ZNF654: variants seen among roughly 807,000 people sequenced by gnomAD.
ZNF654 encodes melanoma-associated antigen.
In ZNF654, 19 loss-of-function variants were observed where a neutral mutation model predicts 95.3. That is an observed-to-expected ratio of 0.20 (90% CI 0.14 to 0.29). ZNF654 has a LOEUF of 0.29. ZNF654 is among the 10% of genes least tolerant of loss of function. ZNF654 has a pLI of 1.00. For missense variants in ZNF654, 1,046 were observed against 1,341.0 expected, an observed-to-expected ratio of 0.78 and a Z score of 3.44; for synonymous variants, 413 against 457.9, an observed-to-expected ratio of 0.90 and a Z score of 1.25.
At chr3:88,091,789 C>T (rs1360411015) in intron 2 of ZNF654, among the ~76,000 whole-genome samples, 2 of 152,160 alleles carry the variant, frequency 1.3e-5, no homozygotes, top group Non-Finnish European at 2.9e-5. Context: ...TCTTGCCTGC[C>T]GCCATGTAAG....
chr3:88,081,732 A>T (rs4404474), intron 1 of ZNF654, among the ~76,000 whole-genome samples: 143,129 of 152,156 alleles, frequency 0.94, 67,846 homozygotes, highest in Non-Finnish European at 1. Context: ...CACCACAACA[A>T]GTTCCAGGCT....
chr3:88,074,916 G>C (rs1707715928), intron 1 of ZNF654, among the ~76,000 whole-genome samples: 1 of 152,078 alleles, frequency 6.6e-6, no homozygotes, highest in Admixed American at 6.6e-5. Flanking sequence ...CATAACTTGT[G>C]CTTATATTTT....
intron 2 of ZNF654, among the ~76,000 whole-genome samples, chr3:88,094,244 T>C (rs1195461161): frequency 6.6e-6 from 1 of 152,144 alleles, no homozygotes; most frequent in Non-Finnish European, 1.5e-5. Context: ...AAAAAACTCT[T>C]AGTGCATTTG....
chr3:88,067,816 A>G (rs913477800), intron 1 of ZNF654, among the ~76,000 whole-genome samples: 3 of 152,126 alleles, frequency 2.0e-5, no homozygotes, highest in African/African-American at 7.2e-5. Context: ...CAAATAACCT[A>G]TAAAGGAGAA....
Position 88,126,151 on chromosome 3 carries a change from C to T in ZNF654, c.432C>T (p.Leu144=). The change falls in exon 4 of 9, where the codon CTC becomes CTT. Residue 144 remains leucine (L), a synonymous_variant. Transcript: ENST00000636215. ...TCTCCTAGGAATGCCAGAATCACCT[C>T]CGCAGATATGGAAATGTGAATCTGG... The part of the protein sequence containing the change: ...LGSFQECQNH[L]RRYGNVNLEL... 6.6e-7 allele frequency: 1 copy of T among 1,517,408 alleles called. No individual in the cohort carries two copies. Among genetic ancestry groups the T allele is most frequent in the Non-Finnish European group, 8.8e-7 (1 of 1,135,676 alleles). The allele number at this position is 1,517,408 out of a possible 1,614,324, so 94.0% of individuals were successfully genotyped here. A position where few individuals can be genotyped will look rare whatever the true frequency, so the allele number is the denominator to read the frequency against.
chr3:88,131,364 GGAAACTGAAAATAGTCATGAC>G (rs1706453939), intron 6 of ZNF654, among the ~76,000 whole-genome samples: 1 of 152,074 alleles, frequency 6.6e-6, no homozygotes, highest in East Asian at 1.9e-4. Context: ...GTGGTTATTT[GGAAACTGAAAATAGTCATGAC>G]AGTTATAATA....
At chr3:88,094,371 G>T (rs1703932035) in intron 2 of ZNF654, among the ~76,000 whole-genome samples, 2 of 152,044 alleles carry the variant, frequency 1.3e-5, no homozygotes, top group African/African-American at 2.4e-5. Flanking sequence ...GAGTAAAGTG[G>T]TTGGGACTAT....
At chr3:88,134,248 T>C (rs1296463257) in intron 6 of ZNF654, among the ~76,000 whole-genome samples, 7 of 152,006 alleles carry the variant, frequency 4.6e-5, no homozygotes, top group Admixed American at 3.3e-4. Flanking sequence ...ACCCTCATGA[T>C]GGTAATCAAG....
At chr3:88,141,078 T>C in intron 8 of ZNF654, 30 bp downstream of exon 8, 2 of 1,541,598 alleles carry the variant, frequency 1.3e-6, no homozygotes, top group African/African-American at 1.4e-5. Flanking sequence ...AGTAGAGGTA[T>C]CTGTAGAAAG....
chr3:88,140,468 G>C lies in ZNF654; in HGVS notation c.2799G>C (p.Lys933Asn). The C allele has an allele frequency of 6.2e-7, 1 of 1,613,634 alleles. No homozygotes were observed. The highest frequency in any genetic ancestry group is 8.5e-7 in the Non-Finnish European group (1 of 1,179,734). The part of the protein sequence containing the change: ...EPKTCIESME[K>N]KTDSLVQNGN... ...AGACATGTATAGAAAGTATGGAAAA[G>C]AAAACAGACAGTTTAGTTCAGAATG... The change falls in exon 8 of 9, where the codon AAG becomes AAC. Residue 933 changes from lysine (K) to asparagine (N), a missense_variant. Physicochemically the swap from Lys to Asn is moderately conservative, Grantham distance 94. Around this residue, in one of 9 missense-constraint regions of ZNF654, gnomAD observed 495 missense variants for 537.0 expected, o/e 0.92. Transcript: ENST00000636215.
At chr3:88,128,561 TTC>T in intron 4 of ZNF654, among the ~76,000 whole-genome samples, 1 of 152,210 alleles carries the variant, frequency 6.6e-6, no homozygotes, top group East Asian at 1.9e-4. Flanking sequence ...TAAATTTTGT[TTC>T]TGTTATTTAC....
chr3:88,116,724 G>C (rs112187911), intron 3 of ZNF654, among the ~76,000 whole-genome samples: 1,668 of 152,130 alleles, frequency 0.011, 23 homozygotes, highest in African/African-American at 0.038. Context: ...CCATTACCCA[G>C]AGGTAAGAAA....
At chr3:88,088,939 AT>A (rs1708490626) in intron 2 of ZNF654, among the ~76,000 whole-genome samples, 1 of 151,524 alleles carries the variant, frequency 6.6e-6, no homozygotes, top group Admixed American at 6.6e-5. Context: ...TGCCTGGCTA[AT>A]TTTTGTATTT....
chr3:88,089,729 C>G (rs2107674307), intron 2 of ZNF654, among the ~76,000 whole-genome samples: 1 of 152,314 alleles, frequency 6.6e-6, no homozygotes, highest in Middle Eastern at 3.4e-3. Context: ...CTGCCTACTA[C>G]AGATCCCAAA....
At position 88,059,310 on chromosome 3, in the gene ZNF654, C is replaced by A. The variant is rs530597561; in HGVS notation, c.-10C>A. The A allele has an allele frequency of 6.5e-7, 1 of 1,532,852 alleles. No homozygotes were observed. The highest frequency in any genetic ancestry group is 8.7e-7 in the Non-Finnish European group (1 of 1,146,356). The allele number at this position is 1,532,852 out of a possible 1,614,324, so 95.0% of individuals were successfully genotyped here. ...GCAGGGGCTGGTACGCGCTGGGCGG[C>A]GAGAGCCTCATGGCGGAGGAAGAGA... On this transcript the variant is annotated 5_prime_UTR_variant, in exon 1 of 9. Transcript: ENST00000636215.
At chr3:88,121,142 AG>A (rs1300274612) in intron 3 of ZNF654, among the ~76,000 whole-genome samples, 1 of 152,178 alleles carries the variant, frequency 6.6e-6, no homozygotes, top group Non-Finnish European at 1.5e-5. Context: ...ATAAAAAAAA[AG>A]AAAATTTTCC....
chr3:88,102,361 C>T (rs577395280), intron 2 of ZNF654, among the ~76,000 whole-genome samples: 76 of 152,068 alleles, frequency 5.0e-4, no homozygotes, highest in African/African-American at 1.8e-3. Flanking sequence ...TTGTCTTTCT[C>T]TTTTATTTTA....
intron 4 of ZNF654, among the ~76,000 whole-genome samples, chr3:88,127,955 CAAAAT>C (rs575246385): frequency 3.1e-4 from 47 of 152,078 alleles, no homozygotes; most frequent in Non-Finnish European, 5.9e-4. Context: ...ATTTTTAAGT[CAAAAT>C]AAAACATTTG....
rs77106967 is a variant in ZNF654 at position 88,093,048 on chromosome 3, C to T, written c.332+6646C>T. 3.0e-4 allele frequency among the ~76,000 whole-genome samples: 46 copies of T among 152,288 alleles called. No individual in the cohort carries two copies. The East Asian group carries it at 8.9e-3, about 29-fold the overall frequency. ...TTCTGTCTAACTTTACCTGGGTTGA[C>T]TATCCTTATAAGATGTATTTTCTGA... On this transcript the variant is annotated intron_variant, in intron 2 of 8. Coordinates refer to ENST00000636215, the MANE Select transcript of ZNF654 (RefSeq NM_001350134.2).
Sources: allele counts gnomAD v4.1 joint callset (sites outside exome capture counted in the v4.1 genomes callset), GRCh38; gene constraint gnomAD v4.1.1; regional missense constraint gnomAD v4.1.1; transcripts MANE v1.5; gene names NCBI Gene and HGNC (gene_info 2026-07-23, HGNC 2026-07-21).